ETV3: variants seen among roughly 807,000 people sequenced by gnomAD.
The protein encoded by ETV3 is ETS variant transcription factor 3.
In ETV3, 8 loss-of-function variants were observed where a neutral mutation model predicts 33.0. That is an observed-to-expected ratio of 0.24 (90% CI 0.14 to 0.44). The LOEUF (loss-of-function observed/expected upper bound fraction) is 0.44, where lower values mean the gene tolerates loss of function less well. Among genes scored for constraint, ETV3 ranks in the 20% least tolerant of loss-of-function variants. The pLI is 1.00. For synonymous variants in ETV3, 222 were observed against 238.9 expected (o/e 0.93, Z 0.65); for missense variants, 473 against 652.3 (o/e 0.73, Z 2.99).
intron 4 of ETV3, among the ~76,000 whole-genome samples, chr1:157,129,394 C>A (rs971319265): frequency 5.3e-5 from 8 of 152,092 alleles, no homozygotes; most frequent in African/African-American, 1.9e-4. Context: ...CTCTAAACAG[C>A]CATTCAGAAA....
intron 4 of ETV3, chr1:157,133,070 A>G (rs1000900571): frequency 1.3e-5 from 2 of 152,226 alleles, no homozygotes; most frequent in African/African-American, 4.8e-5. Flanking sequence ...GTCCTTTCTT[A>G]TCTGAGGTTT....
chr1:157,129,769 CAGA>C (rs1674926860), intron 4 of ETV3, among the ~76,000 whole-genome samples: 1 of 152,076 alleles, frequency 6.6e-6, no homozygotes, highest in Non-Finnish European at 1.5e-5. Flanking sequence ...TCTATGTATT[CAGA>C]AGAAGGAAGT....
intron 4 of ETV3, among the ~76,000 whole-genome samples, chr1:157,129,086 T>C (rs1202932347): frequency 6.6e-6 from 1 of 152,234 alleles, no homozygotes; most frequent in Non-Finnish European, 1.5e-5. Context: ...TTCACCAGTG[T>C]TTTATGTTCA....
At chr1:157,127,776 GC>G (rs1674875780) in intron 4 of ETV3, among the ~76,000 whole-genome samples, 1 of 151,962 alleles carries the variant, frequency 6.6e-6, no homozygotes, top group Non-Finnish European at 1.5e-5. Context: ...CGAACTCCTG[GC>G]CTCAAACGAT....
intron 2 of ETV3, among the ~76,000 whole-genome samples, 184 bp from the exon 3 acceptor site, chr1:157,135,892 T>C (rs1675097269): frequency 6.6e-6 from 1 of 152,206 alleles, no homozygotes; most frequent in African/African-American, 2.4e-5. Context: ...CCTATCCTTG[T>C]GGCAATCATT....
rs1459967409 is a variant in ETV3 at position 157,125,666 on chromosome 1, C to T, written c.714G>A (p.Gly238=). ...DIMLPLFARP[G]MYPDPHSPFA... The stretch of plus-strand genomic sequence containing the variant: ...AGGGACTGTGGGGGTCAGGGTACAT[C>T]CCTGGCCTAGCAAACAGAGGAAGCA... Residue 238 remains glycine (G), a synonymous_variant, in exon 5 of 5, where the codon GGG becomes GGA. Coordinates refer to ENST00000368192, the MANE Select transcript of ETV3 (RefSeq NM_001145312.3). The surrounding 1 kb of genome is among the most constrained non-coding windows in gnomAD (Gnocchi z 4.0). 5.2e-6 allele frequency: 8 copies of T among 1,551,504 alleles called. No homozygotes were observed. Among genetic ancestry groups the T allele is most frequent in the African/African-American group, 2.7e-5 (2 of 72,996 alleles).
At chr1:157,129,076 T>G (rs1362814603) in intron 4 of ETV3, among the ~76,000 whole-genome samples, 3 of 152,222 alleles carry the variant, frequency 2.0e-5, no homozygotes, top group African/African-American at 4.8e-5. Flanking sequence ...CCAAGCAAGA[T>G]TCACCAGTGT....
intron 4 of ETV3, among the ~76,000 whole-genome samples, chr1:157,130,233 A>C (rs1674937580): frequency 6.6e-6 from 1 of 152,202 alleles, no homozygotes; most frequent in African/African-American, 2.4e-5. Context: ...AGACATAATA[A>C]GCAGTATTTT....
intron 4 of ETV3, among the ~76,000 whole-genome samples, chr1:157,132,309 C>A (rs1481184909): frequency 6.6e-6 from 1 of 152,188 alleles, no homozygotes; most frequent in Non-Finnish European, 1.5e-5. Context: ...GTTCAATCGC[C>A]TTCGGGCAGA....
chr1:157,129,081 C>T (rs1419988634), intron 4 of ETV3, among the ~76,000 whole-genome samples: 4 of 152,156 alleles, frequency 2.6e-5, no homozygotes, highest in Non-Finnish European at 5.9e-5. Context: ...CAAGATTCAC[C>T]AGTGTTTTAT....
intron 4 of ETV3, among the ~76,000 whole-genome samples, chr1:157,131,464 A>C (rs988886526): frequency 4.6e-5 from 7 of 152,178 alleles, no homozygotes; most frequent in African/African-American, 1.2e-4. Context: ...GGCATATCTT[A>C]TCTCTCCTGC....
rs1047175068 is a variant in ETV3 at position 157,125,846 on chromosome 1, G to A, written c.534C>T (p.Gly178=). Residue 178 remains glycine, a synonymous_variant, in exon 5 of 5, where the codon GGC becomes GGT. Coordinates refer to ENST00000368192, the MANE Select transcript of ETV3 (RefSeq NM_001145312.3). This position sits in a 1 kb window ranked among gnomAD's most constrained non-coding sequence, Gnocchi z 4.0. ...TATCAGTACCATTACTGGACTCCTGGCCAGAAGCAGTTAGGGAGCTAGCAG... is the reference window on the plus strand; with the variant it reads ...TATCAGTACCATTACTGGACTCCTGACCAGAAGCAGTTAGGGAGCTAGCAG... The part of the protein sequence containing the change: ...RFSASSLTAS[G]QESSNGTDRK... 11 of 1,551,550 alleles carry A rather than the reference G, an allele frequency of 7.1e-6. No homozygotes were observed. The highest frequency in any genetic ancestry group is 9.6e-6 in the Non-Finnish European group (11 of 1,146,996).
intron 4 of ETV3, among the ~76,000 whole-genome samples, chr1:157,127,018 T>C (rs1418644082): frequency 6.6e-6 from 1 of 152,010 alleles, no homozygotes; most frequent in Non-Finnish European, 1.5e-5. Flanking sequence ...AGAGCTGCCC[T>C]GGCTGACTGT....
intron 4 of ETV3, among the ~76,000 whole-genome samples, chr1:157,127,504 G>A (rs1024543174): frequency 1.3e-5 from 2 of 150,968 alleles, no homozygotes; most frequent in Non-Finnish European, 2.9e-5. Context: ...AAAATGTAAA[G>A]CTCTAAGTGA....
At chr1:157,138,144 C>G (rs1425160810) in intron 1 of ETV3, among the ~76,000 whole-genome samples, 172 bp downstream of exon 1, 3 of 152,180 alleles carry the variant, frequency 2.0e-5, no homozygotes, top group Non-Finnish European at 2.9e-5. Flanking sequence ...GGGTCCCTGT[C>G]GCCCCTCAGA....
chr1:157,122,312 C>A lies in ETV3; in HGVS notation c.*2529G>T, dbSNP rs1007484556. 6.6e-6 allele frequency: 1 copy of A among 152,158 alleles called. No homozygotes were observed. The highest frequency in any genetic ancestry group is 6.5e-5 in the Admixed American group (1 of 15,278). 9.4% of individuals were successfully genotyped at this position (152,158 alleles called of 1,614,324 possible). ...ATTCCCTGGCCCACTTCCTGAGCAACCCCAGGTTCGGCTCTGTATAAGGAC... is the reference window on the plus strand; with the variant it reads ...ATTCCCTGGCCCACTTCCTGAGCAAACCCAGGTTCGGCTCTGTATAAGGAC... On this transcript the variant is annotated 3_prime_UTR_variant, in exon 5 of 5. Transcript: ENST00000368192.
chr1:157,130,504 C>T (rs904295882), intron 4 of ETV3, among the ~76,000 whole-genome samples: 1 of 152,214 alleles, frequency 6.6e-6, no homozygotes, highest in South Asian at 2.1e-4. Flanking sequence ...GGGTCTGAAT[C>T]TCAGTTCTGG....
intron 4 of ETV3, among the ~76,000 whole-genome samples, chr1:157,132,168 G>T (rs553591391): frequency 6.6e-6 from 1 of 152,218 alleles, no homozygotes; most frequent in Non-Finnish European, 1.5e-5. Context: ...GGCTGGTCTT[G>T]AACTCCTGAC....
intron 4 of ETV3, among the ~76,000 whole-genome samples, chr1:157,132,541 G>A (rs1490750119): frequency 1.3e-5 from 2 of 152,152 alleles, no homozygotes; most frequent in Non-Finnish European, 2.9e-5. Flanking sequence ...GTGGGGTGAA[G>A]GGGTATGAAA....
Sources: gnomAD v4.1 joint callset for allele counts (sites outside exome capture counted in the v4.1 genomes callset) on GRCh38, gnomAD v4.1.1 for gene constraint, Gnocchi (gnomAD v3.1) non-coding constraint, MANE v1.5 for transcripts, NCBI Gene and HGNC (gene_info 2026-07-23, HGNC 2026-07-21) for gene names.